DSCAML1: variants seen among roughly 807,000 people sequenced by gnomAD.
DSCAML1 encodes the protein cell adhesion molecule DSCAML1.
A neutral mutation model predicts 200.5 loss-of-function variants in DSCAML1; 38 were observed. The ratio of observed to expected loss-of-function variants is 0.19; its 90% CI spans 0.15 to 0.25. DSCAML1 has a LOEUF of 0.25. DSCAML1 is among the 10% of genes least tolerant of loss of function. DSCAML1 has a pLI of 1.00. For synonymous variants in DSCAML1, 1,215 were observed against 1,165.0 expected, an observed-to-expected ratio of 1.04 and a Z score of -0.87; for missense variants, 2,223 against 2,858.8, an observed-to-expected ratio of 0.78 and a Z score of 5.07.
intron 14 of DSCAML1, among the ~76,000 whole-genome samples, chr11:117,477,681 TA>T (rs2048826339): frequency 6.6e-6 from 1 of 152,230 alleles, no homozygotes; most frequent in Non-Finnish European, 1.5e-5. Context: ...GCTTTCTCTC[TA>T]ATCCTCTAAA....
chr11:117,595,975 C>CT (rs1163678316), intron 3 of DSCAML1, among the ~76,000 whole-genome samples: 3 of 152,244 alleles, frequency 2.0e-5, no homozygotes, highest in East Asian at 1.9e-4. Flanking sequence ...TTAATAAATT[C>CT]TTTTTTGTTC....
intron 3 of DSCAML1, among the ~76,000 whole-genome samples, chr11:117,601,521 G>A (rs2051466668): frequency 6.6e-6 from 1 of 152,200 alleles, no homozygotes; most frequent in Non-Finnish European, 1.5e-5. Context: ...ACACCGTCCT[G>A]TATTTGCCAG....
intron 22 of DSCAML1, 130 bp downstream of exon 22, chr11:117,439,689 C>T: frequency 2.2e-6 from 2 of 929,292 alleles, no homozygotes; most frequent in Non-Finnish European, 3.4e-6. Context: ...GCAGCACACC[C>T]TGCAGGGCCT....
At chr11:117,708,794 G>A (rs528921074) in intron 3 of DSCAML1, among the ~76,000 whole-genome samples, 3 of 152,282 alleles carry the variant, frequency 2.0e-5, no homozygotes, top group South Asian at 4.1e-4. Context: ...ATGGCCAAAC[G>A]TTCTCTCCTT....
At chr11:117,554,765 A>T (rs981757814) in intron 3 of DSCAML1, among the ~76,000 whole-genome samples, 1 of 152,144 alleles carries the variant, frequency 6.6e-6, no homozygotes, top group African/African-American at 2.4e-5. Context: ...AATCATGAGG[A>T]TGGCAGAGCA....
chr11:117,783,317 T>C (rs1359542791), intron 1 of DSCAML1, among the ~76,000 whole-genome samples: 1 of 152,160 alleles, frequency 6.6e-6, no homozygotes, highest in Non-Finnish European at 1.5e-5. Context: ...GACTCTACAT[T>C]GTGCCTGTAA....
intron 21 of DSCAML1, 111 bp downstream of exon 21, chr11:117,443,775 T>A (rs1225966806): frequency 7.6e-6 from 11 of 1,443,182 alleles, no homozygotes; most frequent in Middle Eastern, 3.7e-4. Flanking sequence ...TCCTCACAGC[T>A]GGGTGGCAGA....
chr11:117,442,787 G>T (rs938581465), intron 21 of DSCAML1, among the ~76,000 whole-genome samples: 1 of 152,166 alleles, frequency 6.6e-6, no homozygotes, highest in Non-Finnish European at 1.5e-5. Flanking sequence ...AGGGGTTAGG[G>T]GGTGGTAGGA....
At chr11:117,500,288 C>G (rs1290290909) in intron 11 of DSCAML1, among the ~76,000 whole-genome samples, 1 of 152,184 alleles carries the variant, frequency 6.6e-6, no homozygotes, top group African/African-American at 2.4e-5. Flanking sequence ...TTGTTTGTAG[C>G]TTTTTAAGGC....
intron 3 of DSCAML1, among the ~76,000 whole-genome samples, chr11:117,711,952 T>C (rs2053856799): frequency 6.6e-6 from 1 of 152,238 alleles, no homozygotes; most frequent in Non-Finnish European, 1.5e-5. Context: ...TATCCTCAGC[T>C]GAAGATGGCA....
intron 3 of DSCAML1, among the ~76,000 whole-genome samples, chr11:117,695,305 C>CTT (rs1268958031): frequency 3.8e-5 from 5 of 131,216 alleles, no homozygotes; most frequent in African/African-American, 1.5e-4. Flanking sequence ...TCTTTTCTTT[C>CTT]TTTCTTTTTC....
In DSCAML1 at chr11:117,516,863, G is replaced by A. The variant is rs1460400252; in HGVS notation, c.1511-124C>T. The A allele has an allele frequency of 6.6e-5, 82 of 1,233,826 alleles. No homozygotes were observed. In the Middle Eastern group the frequency reaches 8.5e-4, roughly 13 times the overall value. The allele number at this position is 1,233,826 out of a possible 1,614,324, so 76.4% of individuals were successfully genotyped here. On this transcript the variant is annotated intron_variant, in intron 7 of 32. Transcript: ENST00000651296. This position sits in a 1 kb window ranked among gnomAD's most constrained non-coding sequence, Gnocchi z 5.7. ...CTCGGCCCCTGAGACTTTCGGGGGCGGACATTTGGTGGGGGCACAGGGATG... is the reference window on the plus strand; with the variant it reads ...CTCGGCCCCTGAGACTTTCGGGGGCAGACATTTGGTGGGGGCACAGGGATG...
intron 3 of DSCAML1, among the ~76,000 whole-genome samples, chr11:117,772,368 C>T (rs1446081044): frequency 6.6e-6 from 1 of 152,140 alleles, no homozygotes; most frequent in Non-Finnish European, 1.5e-5. Flanking sequence ...TGGCCAGAGG[C>T]GTCCTTGCCC....
chr11:117,587,438 A>G (rs926196085), intron 3 of DSCAML1, among the ~76,000 whole-genome samples: 1 of 151,742 alleles, frequency 6.6e-6, no homozygotes, highest in African/African-American at 2.4e-5. Context: ...CCTGACCCCC[A>G]TGGTGGGTCT....
intron 3 of DSCAML1, among the ~76,000 whole-genome samples, chr11:117,741,214 C>T (rs1336405682): frequency 6.6e-6 from 1 of 152,244 alleles, no homozygotes; most frequent in African/African-American, 2.4e-5. Flanking sequence ...GAACTCCTTA[C>T]ATCTAGGTGG....
At position 117,513,821 on chromosome 11, in the gene DSCAML1, G is replaced by A. The variant is rs12277977; in HGVS notation, c.1783+2646C>T. ...GTAAGTCACTCCAACTCAGCCTAAT[G>A]TCTCAGTTTCAGTTCAAAGCACACA... On this transcript the variant is annotated intron_variant, in intron 8 of 32. Transcript: ENST00000651296. Among the ~76,000 whole-genome samples the A allele has an allele frequency of 2.6e-3, 398 of 151,412 alleles. 2 individuals are homozygous for A. The highest frequency in any genetic ancestry group is 7.9e-3 in the African/African-American group (327 of 41,192).
intron 3 of DSCAML1, among the ~76,000 whole-genome samples, chr11:117,661,171 C>A (rs931055177): frequency 9.2e-5 from 14 of 152,172 alleles, no homozygotes; most frequent in African/African-American, 3.4e-4. Context: ...GCTCAGCCTT[C>A]TCCGGGTTGA....
At chr11:117,474,824 G>A (rs11216414) in intron 14 of DSCAML1, among the ~76,000 whole-genome samples, 2 of 150,542 alleles carry the variant, frequency 1.3e-5, no homozygotes, top group South Asian at 2.1e-4. Flanking sequence ...GCGCGATCTC[G>A]GCTTACTGCA....
rs765036766 is a variant in DSCAML1 at position 117,461,493 on chromosome 11, G to A, written c.3369C>T (p.Leu1123=). 1.2e-6 allele frequency: 2 copies of A among 1,614,218 alleles called. No individual in the cohort carries two copies. The highest frequency in any genetic ancestry group is 1.7e-6 in the Non-Finnish European group (2 of 1,180,050). Residue 1123 remains leucine, a synonymous_variant, in exon 18 of 33, where the codon CTC becomes CTT. Transcript: ENST00000651296. The part of the protein sequence containing the change: ...EPPRSTLNGV[L]KGYRVIFWSL... ...ACCAGAAGATGACCCGATAGCCTTT[G>A]AGGACGCCATTGAGGGTGCTGCGCG...
Sources: gnomAD v4.1 joint callset for allele counts (sites outside exome capture counted in the v4.1 genomes callset) on GRCh38, gnomAD v4.1.1 for gene constraint, Gnocchi (gnomAD v3.1) non-coding constraint, MANE v1.5 for transcripts, NCBI Gene and HGNC (gene_info 2026-07-23, HGNC 2026-07-21) for gene names.